The following ARHGEF4 variants were observed in gnomAD, a reference collection of about 807,000 sequenced individuals.
The protein encoded by ARHGEF4 is Rho guanine nucleotide exchange factor 4.
ARHGEF4 carries 119 observed loss-of-function variants against 162.0 expected under a neutral mutation model. The ratio of observed to expected loss-of-function variants is 0.73; its 90% CI spans 0.63 to 0.86. The LOEUF is 0.86. Among genes scored for constraint, ARHGEF4 ranks in the 40% least tolerant of loss-of-function variants. The probability of loss-of-function intolerance (pLI) is 0.00; values close to 1 mark genes in which losing one functional copy is unlikely to be tolerated. For synonymous variants in ARHGEF4, 1,014 were observed against 979.9 expected (o/e 1.03, Z -0.65); for missense variants, 2,488 against 2,456.0 (o/e 1.01, Z -0.28).
intron 1 of ARHGEF4, among the ~76,000 whole-genome samples, chr2:130,881,175 G>A (rs375734582): frequency 1.4e-3 from 219 of 152,166 alleles, no homozygotes; most frequent in African/African-American, 5.1e-3. Flanking sequence ...GGGACTACGT[G>A]CACCACCATG....
At chr2:130,986,743 AAAT>A (rs1195189765) in intron 4 of ARHGEF4, among the ~76,000 whole-genome samples, 2 of 152,284 alleles carry the variant, frequency 1.3e-5, no homozygotes, top group South Asian at 4.1e-4. Context: ...GAGACAACAG[AAAT>A]AATAATTTGG....
At chr2:130,888,401 T>A (rs35427114) in intron 1 of ARHGEF4, among the ~76,000 whole-genome samples, 27,079 of 150,832 alleles carry the variant, frequency 0.18, 2,932 homozygotes, top group East Asian at 0.34. Context: ...AACACCGGAG[T>A]TGGTGGTTGC....
intron 1 of ARHGEF4, among the ~76,000 whole-genome samples, chr2:130,888,505 T>C (rs1679661049): frequency 6.6e-6 from 1 of 152,080 alleles, no homozygotes; most frequent in African/African-American, 2.4e-5. Context: ...GCTGAGGCTT[T>C]CTAGTCTAGT....
intron 4 of ARHGEF4, among the ~76,000 whole-genome samples, chr2:131,026,255 C>A (rs545602167): frequency 6.6e-6 from 1 of 152,188 alleles, no homozygotes; most frequent in Non-Finnish European, 1.5e-5. Context: ...GCATACATAT[C>A]AAAAGAAAAG....
chr2:130,921,754 C>A (rs533372217), intron 2 of ARHGEF4, among the ~76,000 whole-genome samples: 1 of 152,026 alleles, frequency 6.6e-6, no homozygotes, highest in African/African-American at 2.4e-5. Context: ...TGCAGTGGTG[C>A]GATCTCAGCT....
intron 5 of ARHGEF4, among the ~76,000 whole-genome samples, chr2:131,029,354 A>G (rs1253753731): frequency 6.6e-6 from 1 of 152,138 alleles, no homozygotes; most frequent in East Asian, 1.9e-4. Context: ...GTGAAACTCC[A>G]TCTCAAAAAT....
chr2:131,045,817 C>A (rs1020925833), intron 13 of ARHGEF4: 50 of 1,431,878 alleles, frequency 3.5e-5, no homozygotes, highest in Non-Finnish European at 4.4e-5. Context: ...GGCCACCCCC[C>A]TCTTCAGGCT....
At chr2:130,925,702 C>T (rs1441395652) in intron 2 of ARHGEF4, among the ~76,000 whole-genome samples, 3 of 152,134 alleles carry the variant, frequency 2.0e-5, no homozygotes, top group African/African-American at 7.2e-5. Context: ...ATGTTTTTCT[C>T]TTATAAGGAA....
intron 4 of ARHGEF4, among the ~76,000 whole-genome samples, chr2:130,950,694 C>CG (rs1047565487): frequency 1.4e-5 from 2 of 147,910 alleles, no homozygotes; most frequent in Non-Finnish European, 3.0e-5. Flanking sequence ...TTACCCCCCA[C>CG]CACCACCCGA....
At chr2:131,011,578 A>G in intron 4 of ARHGEF4, 2 of 1,495,704 alleles carry the variant, frequency 1.3e-6, no homozygotes, top group Non-Finnish European at 1.8e-6. Context: ...CACTTTGGAC[A>G]GCATTTCATG....
At chr2:130,878,105 A>G (rs765631635) in intron 1 of ARHGEF4, among the ~76,000 whole-genome samples, 5 of 152,214 alleles carry the variant, frequency 3.3e-5, no homozygotes, top group Non-Finnish European at 7.3e-5. Context: ...TCCTTAAAAG[A>G]TAATAAAGGG....
At chr2:130,871,716 C>T (rs1032288212) in intron 1 of ARHGEF4, among the ~76,000 whole-genome samples, 1 of 152,136 alleles carries the variant, frequency 6.6e-6, no homozygotes, top group African/African-American at 2.4e-5. Context: ...CCTGTGGACA[C>T]TATTTCAGGG....
chr2:130,999,938 T>C (rs1366115212), intron 4 of ARHGEF4, among the ~76,000 whole-genome samples: 1 of 152,206 alleles, frequency 6.6e-6, no homozygotes, highest in African/African-American at 2.4e-5. Flanking sequence ...TCTTGAACTC[T>C]TGACCTCAGG....
At chr2:131,041,655 C>T in intron 9 of ARHGEF4, 160 bp from the exon 10 acceptor site, 2 of 1,189,560 alleles carry the variant, frequency 1.7e-6, no homozygotes, top group East Asian at 2.3e-5. Context: ...TCTGTGCTTG[C>T]CATTTATGGA....
Position 130,916,198 on chromosome 2 carries a change from C to T in ARHGEF4, c.2252C>T (p.Pro751Leu). 1 of 1,547,344 alleles carries T rather than the reference C, an allele frequency of 6.5e-7. No individual in the cohort carries two copies. The highest frequency in any genetic ancestry group is 8.7e-7 in the Non-Finnish European group (1 of 1,146,422). The change falls in exon 2 of 14, where the codon CCG becomes CTG. Residue 751 changes from proline (P) to leucine (L), a missense_variant. Transcript: ENST00000409359. ...SRSSGSGERG[P>L]EEAPEGGAAA... is the part of the protein sequence containing the mutation. Reference sequence around the variant, plus strand: ...AGCTCCGGGTCAGGGGAGCGTGGCCCGGAGGAGGCCCCCGAAGGCGGTGCT... The same window carrying T: ...AGCTCCGGGTCAGGGGAGCGTGGCCTGGAGGAGGCCCCCGAAGGCGGTGCT...
chr2:130,914,484 C>A lies in ARHGEF4; in HGVS notation c.538C>A (p.His180Asn), dbSNP rs1386196223. 16 of 1,433,790 alleles carry A rather than the reference C, an allele frequency of 1.1e-5. No individual in the cohort carries two copies. The highest frequency in any genetic ancestry group is 1.5e-5 in the Non-Finnish European group (16 of 1,099,998). The allele number at this position is 1,433,790 out of a possible 1,614,324, so 88.8% of individuals were successfully genotyped here. The stretch of plus-strand genomic sequence containing the variant: ...GTCTTTGCTGGCAGGGGTTCCCCGA[C>A]ACACAGGGTGCTGCTTACAGAGGGC... ...RESLLAGVPR[H>N]TGCCLQRATD... Residue 180 changes from histidine (H) to asparagine (N), a missense_variant, in exon 2 of 14, where the codon CAC (histidine) becomes AAC (asparagine). By Grantham distance (68) the His-to-Asn change is moderately conservative (BLOSUM62 1). This residue lies in a region of ARHGEF4 where 81 missense variants were observed against 125.8 expected (regional missense o/e 0.64). Transcript: ENST00000409359.
At position 130,916,560 on chromosome 2, in the gene ARHGEF4, G is replaced by A; in HGVS notation, c.2614G>A (p.Ala872Thr). 3.2e-6 allele frequency: 5 copies of A among 1,550,366 alleles called. No individual in the cohort carries two copies. The highest frequency in any genetic ancestry group is 4.4e-6 in the Non-Finnish European group (5 of 1,146,946). The change falls in exon 2 of 14, where the codon GCA (alanine) becomes ACA (threonine). Residue 872 changes from alanine to threonine, a missense_variant. Transcript: ENST00000409359. ...TGCAGGCGACAGGACTGCAGGGCCG[G>A]CAGGAGCGGGGCACACGGGGACCTC... is the stretch of plus-strand genomic sequence containing the variant. ...QAAGDRTAGP[A>T]GAGHTGTSGD...
intron 1 of ARHGEF4, among the ~76,000 whole-genome samples, chr2:130,906,153 G>A (rs187296699): frequency 6.6e-6 from 1 of 152,162 alleles, no homozygotes; most frequent in Non-Finnish European, 1.5e-5. Context: ...TGTGCTCCAG[G>A]TTCACCTTCT....
intron 1 of ARHGEF4, 147 bp from the exon 2 acceptor site, chr2:130,913,839 C>A: frequency 2.1e-6 from 2 of 952,528 alleles, no homozygotes; most frequent in Non-Finnish European, 3.1e-6. Context: ...GGCAGCCCTT[C>A]ATACTTACCT....
Sources: allele counts gnomAD v4.1 joint callset (sites outside exome capture counted in the v4.1 genomes callset), GRCh38; gene constraint gnomAD v4.1.1; regional missense constraint gnomAD v4.1.1; transcripts MANE v1.5; gene names NCBI Gene and HGNC (gene_info 2026-07-23, HGNC 2026-07-21).